MED13: variants seen among roughly 807,000 people sequenced by gnomAD.
The protein encoded by MED13 is mediator complex subunit 13.
Under a neutral mutation model 225.2 loss-of-function variants are expected in MED13, and 23 were observed. The observed-to-expected ratio is 0.10, with a 90% CI of 0.07 to 0.14. MED13 has a LOEUF of 0.14. Among genes scored for constraint, MED13 ranks in the 10% least tolerant of loss-of-function variants. The pLI is 1.00. For missense variants in MED13, 2,197 were observed against 2,594.5 expected, an observed-to-expected ratio of 0.85 and a Z score of 3.33; for synonymous variants, 942 against 889.2, an observed-to-expected ratio of 1.06 and a Z score of -1.06.
At chr17:62,048,235 G>A (rs542672418) in intron 3 of MED13, among the ~76,000 whole-genome samples, 2 of 149,322 alleles carry the variant, frequency 1.3e-5, no homozygotes, top group African/African-American at 4.9e-5. Flanking sequence ...GCGAAACCCC[G>A]TCTCCTTAAA....
At chr17:61,966,907 G>T (rs1355092449) in intron 18 of MED13, among the ~76,000 whole-genome samples, 1 of 151,670 alleles carries the variant, frequency 6.6e-6, no homozygotes, top group African/African-American at 2.4e-5. Flanking sequence ...TATCTCTAAT[G>T]AAAAAACACC....
chr17:61,986,178 G>T (rs188172715), intron 12 of MED13, among the ~76,000 whole-genome samples: 1 of 152,080 alleles, frequency 6.6e-6, no homozygotes, highest in Admixed American at 6.6e-5. Context: ...CTAGTAAAGG[G>T]TGCCCTAAAA....
rs1350899271 is a variant in MED13 at position 61,966,244 on chromosome 17, TGTTCTGTAAAG to T, written c.4381+207_4381+217del. Among the ~76,000 whole-genome samples, 7 of 152,182 alleles carry T rather than the reference TGTTCTGTAAAG, an allele frequency of 4.6e-5. 1 individual carries two copies. In the South Asian group the frequency reaches 1.2e-3, roughly 27 times the overall value. ...ATCCCTCATTAGGGATCAGCAAACT[TGTTCTGTAAAG>T]GGTCAGATAATAAATATTTTTGTCT... On this transcript the variant is annotated intron_variant, in intron 19 of 29. Coordinates refer to ENST00000397786, the MANE Select transcript of MED13 (RefSeq NM_005121.3).
chr17:61,978,576 A>G, intron 16 of MED13, among the ~76,000 whole-genome samples: 1 of 152,150 alleles, frequency 6.6e-6, no homozygotes, highest in Non-Finnish European at 1.5e-5. Context: ...TACCCTGTAA[A>G]GTAAATCTAT....
chr17:61,947,698 T>G (rs1198905909), intron 28 of MED13, among the ~76,000 whole-genome samples: 8 of 152,328 alleles, frequency 5.3e-5, no homozygotes, highest in Admixed American at 5.2e-4. Context: ...ATGCCTGCTT[T>G]GCCCACTCAA....
At chr17:62,025,601 C>T (rs2080693416) in intron 8 of MED13, among the ~76,000 whole-genome samples, 1 of 148,468 alleles carries the variant, frequency 6.7e-6, no homozygotes, top group Admixed American at 6.7e-5. Flanking sequence ...ACCTGGGAGG[C>T]GGAGGTTGCA....
chr17:61,968,013 T>C (rs779920369), intron 18 of MED13, 22 bp downstream of exon 18: 3 of 1,556,576 alleles, frequency 1.9e-6, no homozygotes, highest in East Asian at 2.2e-5. Context: ...TTTTAAAATG[T>C]CATCTCTTTT....
chr17:61,965,539 T>C, intron 19 of MED13, 71 bp from the exon 20 acceptor site: 1 of 1,383,820 alleles, frequency 7.2e-7, no homozygotes, highest in Non-Finnish European at 9.7e-7. Context: ...TTCTACTGTG[T>C]AAACAGAATC....
chr17:61,951,007 G>T lies in MED13; in HGVS notation c.6118-9C>A. 2 of 1,602,898 alleles carry T rather than the reference G, an allele frequency of 1.2e-6. No individual in the cohort carries two copies. Among genetic ancestry groups the T allele is most frequent in the South Asian group, 1.1e-5 (1 of 89,560 alleles). On this transcript the variant is annotated splice_polypyrimidine_tract_variant and intron_variant, in intron 27 of 29. Coordinates refer to ENST00000397786, the MANE Select transcript of MED13 (RefSeq NM_005121.3). ...CGATCAGTACTCTGACCCTTAAAAA[G>T]ACAAAATTAAAAGTATATTAGTTCA...
intron 28 of MED13, among the ~76,000 whole-genome samples, chr17:61,949,289 G>C (rs577151422): frequency 6.6e-6 from 1 of 152,212 alleles, no homozygotes; most frequent in South Asian, 2.1e-4. Context: ...GCAGTGGCAT[G>C]ATCATGGCTC....
intron 9 of MED13, among the ~76,000 whole-genome samples, chr17:61,996,937 TCA>T (rs1158748908): frequency 6.6e-6 from 1 of 152,120 alleles, no homozygotes; most frequent in Admixed American, 6.6e-5. Flanking sequence ...AATCTAAAAA[TCA>T]CAGACTGAGA....
Position 62,030,020 on chromosome 17 carries a change from A to G in MED13, c.1010-7T>C. The G allele has an allele frequency of 6.5e-7, 1 of 1,531,224 alleles. No homozygotes were observed. Among genetic ancestry groups the G allele is most frequent in the South Asian group, 1.3e-5 (1 of 76,914 alleles). The allele number at this position is 1,531,224 out of a possible 1,614,324, so 94.9% of individuals were successfully genotyped here. A position where few individuals can be genotyped will look rare whatever the true frequency, so the allele number is the denominator to read the frequency against. ...TGGACAGACTGAGGATCAACTGAAA[A>G]CAAAACAAAAAAACAGGCTGTAGGA... is the stretch of plus-strand genomic sequence containing the variant. On this transcript the variant is annotated splice_polypyrimidine_tract_variant and splice_region_variant and intron_variant, in intron 6 of 29. Transcript: ENST00000397786.
chr17:62,040,782 T>C (rs2080846227), intron 3 of MED13, among the ~76,000 whole-genome samples: 2 of 152,120 alleles, frequency 1.3e-5, no homozygotes, highest in Admixed American at 1.3e-4. Flanking sequence ...ACACATAACA[T>C]GCTCAACACA....
chr17:62,052,753 T>C, intron 2 of MED13, 48 bp from the exon 3 acceptor site: 2 of 1,383,550 alleles, frequency 1.4e-6, no homozygotes, highest in Non-Finnish European at 1.9e-6. Context: ...CTATAATCTA[T>C]TCAGAGCCAA....
intron 10 of MED13, among the ~76,000 whole-genome samples, chr17:61,993,324 C>A (rs1200089773): frequency 6.6e-6 from 1 of 150,992 alleles, no homozygotes; most frequent in Non-Finnish European, 1.5e-5. Context: ...GCCTCAGCCT[C>A]CCAAGCAGCT....
chr17:62,045,591 C>T (rs1407084288), intron 3 of MED13, among the ~76,000 whole-genome samples: 1 of 152,044 alleles, frequency 6.6e-6, no homozygotes, highest in African/African-American at 2.4e-5. Flanking sequence ...ATGGCAAGTT[C>T]AGAATATCTT....
intron 9 of MED13, chr17:62,006,511 C>T (rs1232730375): frequency 6.6e-6 from 1 of 152,214 alleles, no homozygotes; most frequent in African/African-American, 2.4e-5. Flanking sequence ...AGCGAATTAT[C>T]TGACACCTAT....
chr17:61,986,126 G>T (rs573695286), intron 12 of MED13, among the ~76,000 whole-genome samples: 1 of 152,162 alleles, frequency 6.6e-6, no homozygotes, highest in East Asian at 1.9e-4. Context: ...TGGTAGTAGA[G>T]AGAAAGTATG....
intron 9 of MED13, among the ~76,000 whole-genome samples, chr17:61,999,137 T>C (rs1458001861): frequency 6.6e-6 from 1 of 152,170 alleles, no homozygotes; most frequent in African/African-American, 2.4e-5. Context: ...TTCAGAACTA[T>C]GTTTTAGAGA....
Sources: allele counts gnomAD v4.1 joint callset (sites outside exome capture counted in the v4.1 genomes callset), GRCh38; gene constraint gnomAD v4.1.1; transcripts MANE v1.5; gene names NCBI Gene and HGNC (gene_info 2026-07-23, HGNC 2026-07-21).